The following KLF12 variants were observed in gnomAD, a reference collection of about 807,000 sequenced individuals.
KLF12 encodes the protein Krueppel-like factor 12.
Under a neutral mutation model 37.8 loss-of-function variants are expected in KLF12, and 9 were observed. That is an observed-to-expected ratio of 0.24 (90% CI 0.14 to 0.42). The LOEUF (loss-of-function observed/expected upper bound fraction) is 0.42. Ranked by LOEUF, KLF12 falls within the 10% of genes least tolerant of loss-of-function variation. The pLI, the probability that KLF12 is intolerant of heterozygous loss-of-function variation, is 1.00. For missense variants in KLF12, 411 were observed against 516.0 expected (o/e 0.80, Z 1.97); for synonymous variants, 208 against 202.1 (o/e 1.03, Z -0.25).
chr13:73,925,959 T>C (rs1889355122), intron 3 of KLF12, among the ~76,000 whole-genome samples: 1 of 152,190 alleles, frequency 6.6e-6, no homozygotes, highest in Non-Finnish European at 1.5e-5. Flanking sequence ...CAATCTCAGA[T>C]AAAATTTTCA....
the KLF12 span, among the ~76,000 whole-genome samples, chr13:74,300,031 C>A: frequency 6.6e-6 from 1 of 151,944 alleles, no homozygotes; most frequent in Non-Finnish European, 1.5e-5. Flanking sequence ...TAAAGAGTAT[C>A]CCTAATGGAA....
At chr13:74,134,855 G>C (rs908860345), upstream of KLF12, among the ~76,000 whole-genome samples, 1 of 152,046 alleles carries the variant, frequency 6.6e-6, no homozygotes, top group Non-Finnish European at 1.5e-5. Flanking sequence ...CCGCCCGGGT[G>C]GGGGCGCGCA....
chr13:74,050,932 G>A (rs796968875), intron 1 of KLF12, among the ~76,000 whole-genome samples: 20 of 152,254 alleles, frequency 1.3e-4, no homozygotes, highest in African/African-American at 4.8e-4. Flanking sequence ...ATAGTTACAT[G>A]AAAAGGTGCT....
the KLF12 span, among the ~76,000 whole-genome samples, chr13:74,163,306 C>T: frequency 1.3e-4 from 20 of 152,022 alleles, no homozygotes; most frequent in Non-Finnish European, 1.2e-4. Context: ...GTAATGTTTA[C>T]AATAGCTAAG....
the KLF12 span, among the ~76,000 whole-genome samples, chr13:74,161,263 C>A: frequency 6.6e-6 from 1 of 152,026 alleles, no homozygotes; most frequent in Non-Finnish European, 1.5e-5. Flanking sequence ...AATTTACATC[C>A]ACCTGGAACC....
At chr13:73,828,383 A>T (rs527565834) in intron 4 of KLF12, among the ~76,000 whole-genome samples, 1 of 152,274 alleles carries the variant, frequency 6.6e-6, no homozygotes, top group African/African-American at 2.4e-5. Flanking sequence ...CGTTCTATCT[A>T]TTCTGATAAA....
chr13:73,920,554 C>G (rs904324134), intron 3 of KLF12, among the ~76,000 whole-genome samples: 3 of 152,086 alleles, frequency 2.0e-5, no homozygotes, highest in Non-Finnish European at 2.9e-5. Context: ...CAAATCCATC[C>G]CTCCTGTCCA....
intron 2 of KLF12, among the ~76,000 whole-genome samples, chr13:73,954,550 A>G (rs1380886282): frequency 1.3e-5 from 2 of 152,236 alleles, no homozygotes; most frequent in Admixed American, 1.3e-4. Context: ...AAAAGTAGTT[A>G]GGACTAAAAG....
intron 1 of KLF12, among the ~76,000 whole-genome samples, chr13:74,073,809 G>A (rs1874413320): frequency 1.3e-5 from 2 of 152,142 alleles, no homozygotes; most frequent in African/African-American, 4.8e-5. Flanking sequence ...ATTTACTTTT[G>A]AAAATATTTT....
chr13:73,994,055 A>C (rs1215795694), intron 2 of KLF12, among the ~76,000 whole-genome samples: 5 of 152,224 alleles, frequency 3.3e-5, no homozygotes, highest in African/African-American at 1.2e-4. Flanking sequence ...CCACAGGTCT[A>C]AACACTTTAC....
chr13:73,764,852 T>C (rs1594064405), intron 6 of KLF12, 86 bp downstream of exon 6: 11 of 760,836 alleles, frequency 1.4e-5, no homozygotes, highest in East Asian at 4.9e-5. Flanking sequence ...TATAGAGAAG[T>C]AGGACTAATT....
At chr13:74,168,957 T>C in the KLF12 span, among the ~76,000 whole-genome samples, 39,762 of 152,164 alleles carry the variant, frequency 0.26, 7,829 homozygotes, top group African/African-American at 0.55. Flanking sequence ...GCCTTGCGTT[T>C]CCTGGCTGTG....
chr13:73,885,728 GA>G (rs1415605691), intron 3 of KLF12, among the ~76,000 whole-genome samples: 1 of 152,182 alleles, frequency 6.6e-6, no homozygotes, highest in African/African-American at 2.4e-5. Context: ...AAGGGAAATG[GA>G]AAGGTGCTGA....
At chr13:73,991,332 G>A (rs17290460) in intron 2 of KLF12, among the ~76,000 whole-genome samples, 10,879 of 152,192 alleles carry the variant, frequency 0.071, 514 homozygotes, top group Non-Finnish European at 0.1. Flanking sequence ...AGCCAACCAA[G>A]TCTTACGGAT....
At chr13:74,221,589 A>T in the KLF12 span, among the ~76,000 whole-genome samples, 1 of 152,172 alleles carries the variant, frequency 6.6e-6, no homozygotes, top group African/African-American at 2.4e-5. Flanking sequence ...ATGCCTCCTT[A>T]CATATTTCTA....
At chr13:73,796,695 G>C (rs1321560174) in intron 5 of KLF12, among the ~76,000 whole-genome samples, 1 of 152,060 alleles carries the variant, frequency 6.6e-6, no homozygotes, top group Non-Finnish European at 1.5e-5. Flanking sequence ...CTACCTTTGA[G>C]CTAGCAATCC....
chr13:74,009,596 A>C (rs1215577107), intron 1 of KLF12, among the ~76,000 whole-genome samples: 1 of 152,170 alleles, frequency 6.6e-6, no homozygotes, highest in South Asian at 2.1e-4. Context: ...GGAACAAGAG[A>C]GAAGGAGAGA....
chr13:74,253,829 G>T, the KLF12 span, among the ~76,000 whole-genome samples: 1 of 152,166 alleles, frequency 6.6e-6, no homozygotes, highest in Non-Finnish European at 1.5e-5. Context: ...TATAAATTAT[G>T]AAAACACTAC....
At chr13:73,948,364 G>A (rs1212665116) in intron 2 of KLF12, among the ~76,000 whole-genome samples, 5 of 152,182 alleles carry the variant, frequency 3.3e-5, no homozygotes, top group African/African-American at 7.2e-5. Flanking sequence ...TGGGATTACA[G>A]GCATGCGCCA....
Sources: allele counts gnomAD v4.1 joint callset (sites outside exome capture counted in the v4.1 genomes callset), GRCh38; gene constraint gnomAD v4.1.1; transcripts MANE v1.5; gene names NCBI Gene and HGNC (gene_info 2026-07-23, HGNC 2026-07-21).